The following SYNRG variants were observed in gnomAD, a reference collection of about 807,000 sequenced individuals.
SYNRG encodes the protein synergin gamma, also known as AP1 gamma subunit binding protein 1.
In SYNRG, 37 loss-of-function variants were observed where a neutral mutation model predicts 130.9. That is an observed-to-expected ratio of 0.28 (90% CI 0.22 to 0.37). The LOEUF (loss-of-function observed/expected upper bound fraction) is 0.37. SYNRG is among the 10% of genes least tolerant of loss of function. The pLI is 1.00. For missense variants in SYNRG, 1,338 were observed against 1,588.9 expected (o/e 0.84, Z 2.68); for synonymous variants, 539 against 568.1 (o/e 0.95, Z 0.73).
At chr17:37,569,740 A>C (rs2060278109) in intron 10 of SYNRG, among the ~76,000 whole-genome samples, 1 of 152,168 alleles carries the variant, frequency 6.6e-6, no homozygotes, top group Non-Finnish European at 1.5e-5. Flanking sequence ...CATGTTTGCA[A>C]ATTAAGTGAC....
intron 6 of SYNRG, among the ~76,000 whole-genome samples, chr17:37,581,083 C>A (rs374430167): frequency 1.9e-4 from 29 of 152,194 alleles, no homozygotes; most frequent in African/African-American, 7.0e-4. Context: ...AGAAAGTAAA[C>A]CCTGCCTGAA....
chr17:37,533,230 G>A (rs1016789083), intron 19 of SYNRG, among the ~76,000 whole-genome samples: 8 of 152,016 alleles, frequency 5.3e-5, no homozygotes, highest in Admixed American at 3.9e-4. Flanking sequence ...GCGAGACCCC[G>A]TCTCTACCAA....
intron 8 of SYNRG, among the ~76,000 whole-genome samples, chr17:37,572,537 G>C (rs1408214272): frequency 6.6e-6 from 1 of 152,182 alleles, no homozygotes; most frequent in Non-Finnish European, 1.5e-5. Context: ...CTAGAGGTAA[G>C]ACAAAGTCTT....
intron 19 of SYNRG, among the ~76,000 whole-genome samples, chr17:37,526,019 G>C (rs1217697848): frequency 1.3e-5 from 2 of 152,126 alleles, no homozygotes; most frequent in African/African-American, 4.8e-5. Flanking sequence ...TGTAATCCCA[G>C]CTATTTGGGA....
At position 37,609,285 on chromosome 17, in the gene SYNRG, C is replaced by T. The variant is rs1256182363; in HGVS notation, c.71G>A (p.Gly24Glu). The change falls in exon 1 of 22, where the codon GGA becomes GAA. Residue 24 changes from glycine (G) to glutamate (E), a missense_variant. By Grantham distance (98) the Gly-to-Glu change is moderately conservative. Coordinates refer to ENST00000612223, the MANE Select transcript of SYNRG (RefSeq NM_007247.6). The stretch of plus-strand genomic sequence containing the variant: ...CCCGGCTCTTCACACCTACCCGCCT[C>T]CCCCGGCGGACCCCGCGCCAGCTCC... Reference protein sequence around the residue: ...AAGAGAGSAGGGGFMFPVAGG... With the variant: ...AAGAGAGSAGEGGFMFPVAGG... 2 of 1,449,840 alleles carry T rather than the reference C, an allele frequency of 1.4e-6. No homozygotes were observed. The highest frequency in any genetic ancestry group is 1.8e-6 in the Non-Finnish European group (2 of 1,106,886). 89.8% of individuals were successfully genotyped at this position (1,449,840 alleles called of 1,614,324 possible).
chr17:37,542,480 G>T lies in SYNRG; in HGVS notation c.2694C>A (p.Asp898Glu), dbSNP rs1369143934. The change falls in exon 15 of 22, where the codon GAC becomes GAA. Residue 898 changes from aspartate (D) to glutamate (E), a missense_variant. By Grantham distance (45) the Asp-to-Glu change is conservative. Transcript: ENST00000612223. ...TTCTGCCCTGAGTTGCATCATCCCT[G>T]TCTGACCAGTCATAGCTTGTAAGTG... ...VSTLTSYDWS[D>E]RDDATQGRKL... 1 of 1,613,708 alleles carries T rather than the reference G, an allele frequency of 6.2e-7. No homozygotes were observed. The highest frequency in any genetic ancestry group is 8.5e-7 in the Non-Finnish European group (1 of 1,180,038).
rs762440197 is a variant in SYNRG, at chr17:37,570,821, A to G, written c.1163T>C (p.Leu388Ser). Residue 388 changes from leucine to serine, a missense_variant, in exon 10 of 22, where the codon TTA (leucine) becomes TCA (serine). Physicochemically the swap from Leu to Ser is moderately radical, Grantham distance 145. Coordinates refer to ENST00000612223, the MANE Select transcript of SYNRG (RefSeq NM_007247.6). ...AGGCAGAGTCATAGAAAAGCCACTT[A>G]AAGTTGGAATAGGAGCTGCTGGGAA... is the stretch of plus-strand genomic sequence containing the variant. ...NQFPAAPIPTLSGFSMTLPTP... is the reference protein window; with the variant it reads ...NQFPAAPIPTSSGFSMTLPTP... The G allele has an allele frequency of 3.1e-6, 5 of 1,614,090 alleles. No individual in the cohort carries two copies. The South Asian group carries it at 4.4e-5, about 14-fold the overall frequency.
intron 3 of SYNRG, among the ~76,000 whole-genome samples, chr17:37,593,865 C>G: frequency 8.4e-6 from 1 of 118,648 alleles, no homozygotes; most frequent in East Asian, 2.6e-4. Context: ...GCCTGGGCAA[C>G]AAAACTCCCT....
At chr17:37,584,580 G>T in intron 6 of SYNRG, 68 bp downstream of exon 6, 2 of 1,240,906 alleles carry the variant, frequency 1.6e-6, no homozygotes, top group Admixed American at 1.8e-5. Context: ...ATAATGGCGA[G>T]GTAAAGAAAC....
In SYNRG at chr17:37,549,129, C is replaced by T. The variant is rs1392497847; in HGVS notation, c.2608+3986G>A. Among the ~76,000 whole-genome samples, 3 of 133,862 alleles carry T rather than the reference C, an allele frequency of 2.2e-5. No homozygotes were observed. The East Asian group carries it at 6.5e-4, about 29-fold the overall frequency. 87.8% of individuals were successfully genotyped at this position (133,862 alleles called of 152,430 possible). ...CAGCCTGGGCAACAAGAAACCTGGT[C>T]TCAAAAAAAAAAAAAAAAAAAGTCC... On this transcript the variant is annotated intron_variant, in intron 14 of 21. Coordinates refer to ENST00000612223, the MANE Select transcript of SYNRG (RefSeq NM_007247.6).
intron 1 of SYNRG, chr17:37,605,877 C>T: frequency 1.0e-6 from 1 of 985,438 alleles, no homozygotes; most frequent in Non-Finnish European, 1.2e-6. Flanking sequence ...AGATTTGACA[C>T]TAGGCTTCAC....
chr17:37,589,345 A>G (rs551208124), intron 3 of SYNRG, among the ~76,000 whole-genome samples: 1 of 152,368 alleles, frequency 6.6e-6, no homozygotes, highest in East Asian at 1.9e-4. Context: ...TTACTGATGC[A>G]AGGAAAGACA....
chr17:37,560,439 C>T (rs534511051), intron 13 of SYNRG, among the ~76,000 whole-genome samples: 2 of 150,374 alleles, frequency 1.3e-5, no homozygotes, highest in East Asian at 2.0e-4. Context: ...TGAGTTCAAG[C>T]GATTCTTGTG....
In SYNRG at chr17:37,515,408, C is replaced by CAA. The variant is rs1160919; in HGVS notation, c.*3531_*3532insTT. The CAA allele has an allele frequency of 0.76, 115,635 of 152,078 alleles. 45,238 individuals carry two copies. Among genetic ancestry groups the CAA allele is most frequent in the East Asian group, 0.97 (5,016 of 5,184 alleles). The allele number at this position is 152,078 out of a possible 1,614,324, so 9.4% of individuals were successfully genotyped here. Reference sequence around the variant, plus strand: ...CTGAATGGCAAATGTCTGAAAATGTCAGTTTATTAACTGTTCACAAAGGCA... The same window carrying CAA: ...CTGAATGGCAAATGTCTGAAAATGTCAAAGTTTATTAACTGTTCACAAAGGCA... On this transcript the variant is annotated 3_prime_UTR_variant, in exon 22 of 22. Coordinates refer to ENST00000612223, the MANE Select transcript of SYNRG (RefSeq NM_007247.6).
intron 8 of SYNRG, 33 bp downstream of exon 8, chr17:37,576,307 CA>C (rs1444487123): frequency 6.3e-7 from 1 of 1,599,092 alleles, no homozygotes; most frequent in Admixed American, 1.7e-5. Flanking sequence ...CCAAAATATC[CA>C]GATGGGAATC....
intron 14 of SYNRG, among the ~76,000 whole-genome samples, chr17:37,548,111 A>T (rs936199073): frequency 2.0e-5 from 3 of 152,246 alleles, no homozygotes; most frequent in African/African-American, 7.2e-5. Flanking sequence ...AAATGCAGAA[A>T]AGAGTTAAAA....
At chr17:37,519,104 C>G in intron 21 of SYNRG, 33 bp from the exon 22 acceptor site, 7 of 1,604,446 alleles carry the variant, frequency 4.4e-6, no homozygotes, top group Non-Finnish European at 6.0e-6. Flanking sequence ...TGGGGCAAGT[C>G]AGGCTTTTTC....
chr17:37,577,488 G>A lies in SYNRG; in HGVS notation c.715C>T (p.Pro239Ser). 1 of 1,614,100 alleles carries A rather than the reference G, an allele frequency of 6.2e-7. No individual in the cohort carries two copies. Among genetic ancestry groups the A allele is most frequent in the South Asian group, 1.1e-5 (1 of 91,080 alleles). Residue 239 changes from proline (P) to serine (S), a missense_variant, in exon 7 of 22, where the codon CCC becomes TCC. By Grantham distance (74) the Pro-to-Ser change is moderately conservative. Coordinates refer to ENST00000612223, the MANE Select transcript of SYNRG (RefSeq NM_007247.6). ...ACCCCGTTACTGGCCATTAAACTGG[G>A]ATACTTCTTACTGGAACCTGGGCCT... ...ALGPGSSKKY[P>S]SLMASNGVAV...
intron 19 of SYNRG, among the ~76,000 whole-genome samples, chr17:37,522,134 T>TACACACACACACACAC (rs60928738): frequency 0.034 from 4,980 of 145,080 alleles, 131 homozygotes; most frequent in African/African-American, 0.066. Context: ...TCTAATTCAC[T>TACACACACACACACAC]ACACACACAC....
Sources: allele counts gnomAD v4.1 joint callset (sites outside exome capture counted in the v4.1 genomes callset), GRCh38; gene constraint gnomAD v4.1.1; transcripts MANE v1.5; gene names NCBI Gene and HGNC (gene_info 2026-07-23, HGNC 2026-07-21).